Variants in ATN1 observed in about 807,000 individuals in gnomAD.
ATN1 encodes the protein atrophin 1.
A neutral mutation model predicts 85.8 loss-of-function variants in ATN1; 19 were observed. That is an observed-to-expected ratio of 0.22 (90% CI 0.15 to 0.32). The LOEUF (loss-of-function observed/expected upper bound fraction) is 0.32. ATN1 is among the 10% of genes least tolerant of loss of function. The probability of loss-of-function intolerance (pLI) is 1.00; values close to 1 mark genes in which losing one functional copy is unlikely to be tolerated. For synonymous variants in ATN1, 674 were observed against 657.0 expected (o/e 1.03, Z -0.39); for missense variants, 1,453 against 1,564.5 (o/e 0.93, Z 1.20).
upstream of ATN1, among the ~76,000 whole-genome samples, chr12:6,925,351 T>G (rs150539189): frequency 4.6e-5 from 7 of 152,096 alleles, no homozygotes; most frequent in Non-Finnish European, 1.0e-4. Flanking sequence ...TGGAAGGGAT[T>G]TGGAAAGGGC....
chr12:6,936,179 A>G lies in ATN1; in HGVS notation c.912A>G (p.Pro304=). The G allele has an allele frequency of 6.4e-7, 1 of 1,551,482 alleles. No individual in the cohort carries two copies. The highest frequency in any genetic ancestry group is 8.7e-7 in the Non-Finnish European group (1 of 1,148,990). The change falls in exon 5 of 10, where the codon CCA becomes CCG. Residue 304 remains proline, a synonymous_variant. Transcript: ENST00000396684. ...FPHVTPNLPP[P]PALRPLNNAS... is the part of the protein sequence containing the mutation. ...ATGTGACACCGAACCTGCCTCCCCCACCTGCCCTGAGACCCCTCAACAATG... is the reference window on the plus strand; with the variant it reads ...ATGTGACACCGAACCTGCCTCCCCCGCCTGCCCTGAGACCCCTCAACAATG...
chr12:6,935,981 A>T lies in ATN1; in HGVS notation c.714A>T (p.Gly238=). ...LSGPPMGPKG[G]GAASSVGGPN... The stretch of plus-strand genomic sequence containing the variant: ...GACCCCCAATGGGTCCCAAGGGGGG[A>T]GGGGCTGCCTCATCAGTGGGGGGCC... The change falls in exon 5 of 10, where the codon GGA becomes GGT. Residue 238 remains glycine, a synonymous_variant. Transcript: ENST00000396684. The surrounding 1 kb of genome is among the most constrained non-coding windows in gnomAD (Gnocchi z 5.3). The T allele has an allele frequency of 6.3e-7, 1 of 1,585,482 alleles. No individual in the cohort carries two copies. Among genetic ancestry groups the T allele is most frequent in the Non-Finnish European group, 8.6e-7 (1 of 1,165,510 alleles).
intron 6 of ATN1, 21 bp from the exon 7 acceptor site, chr12:6,938,460 A>T (rs945463408): frequency 6.3e-7 from 1 of 1,587,620 alleles, no homozygotes; most frequent in East Asian, 2.3e-5. Flanking sequence ...CTTTGACTCC[A>T]CTTTTCCCTG....
Position 6,942,189 on chromosome 12 carries a change from C to G in ATN1, c.*409C>G, listed in dbSNP as rs898952572. The G allele has an allele frequency of 5.1e-5, 11 of 217,448 alleles. No homozygotes were observed. The highest frequency in any genetic ancestry group is 8.4e-5 in the Non-Finnish European group (9 of 106,796). The allele number at this position is 217,448 out of a possible 1,614,324, so 13.5% of individuals were successfully genotyped here. On this transcript the variant is annotated 3_prime_UTR_variant, in exon 10 of 10. Transcript: ENST00000396684. ...CCTCCCCGATCCCTGTGTGCGCGCCCCCTCTGCAATGTATGCCCCTTGCCC... is the reference window on the plus strand; with the variant it reads ...CCTCCCCGATCCCTGTGTGCGCGCCGCCTCTGCAATGTATGCCCCTTGCCC...
chr12:6,938,378 G>T, intron 6 of ATN1, 103 bp from the exon 7 acceptor site: 1 of 1,433,784 alleles, frequency 7.0e-7, no homozygotes, highest in Non-Finnish European at 9.3e-7. Flanking sequence ...TCAATGAGTT[G>T]AGGCATTTTG....
At chr12:6,925,986 A>G (rs1945395339), upstream of ATN1, among the ~76,000 whole-genome samples, 1 of 152,130 alleles carries the variant, frequency 6.6e-6, no homozygotes, top group African/African-American at 2.4e-5. Flanking sequence ...TCTGCTGCCA[A>G]AAATCACCCT....
chr12:6,933,924 G>A lies in ATN1; in HGVS notation c.-78G>A. 6.5e-7 allele frequency: 1 copy of A among 1,540,984 alleles called. No homozygotes were observed. Among genetic ancestry groups the A allele is most frequent in the Non-Finnish European group, 8.8e-7 (1 of 1,133,926 alleles). On this transcript the variant is annotated 5_prime_UTR_variant, in exon 2 of 10. Coordinates refer to ENST00000396684, the MANE Select transcript of ATN1 (RefSeq NM_001940.4). ...CCTGCTTCCCAGACCACAGCTGTGGGGAACTTGGGGTGGAGCAGAGAAGTT... is the reference window on the plus strand; with the variant it reads ...CCTGCTTCCCAGACCACAGCTGTGGAGAACTTGGGGTGGAGCAGAGAAGTT...
chr12:6,925,117 C>CGTGTGCGTGTGT (rs1555142455), upstream of ATN1, among the ~76,000 whole-genome samples: 284 of 143,814 alleles, frequency 2.0e-3, 1 homozygote, highest in East Asian at 0.019. Flanking sequence ...TGTGCGTGTG[C>CGTGTGCGTGTGT]GTGTGTGTGT....
In ATN1 at chr12:6,936,889, C is replaced by T; in HGVS notation, c.1622C>T (p.Pro541Leu). Residue 541 changes from proline to leucine, a missense_variant, in exon 5 of 10, where the codon CCC becomes CTC. Transcript: ENST00000396684. Reference sequence around the variant, plus strand: ...TCTCCCTCCCTGGGGTCTCTGAGGCCCTACCCACCAGGGCCAGCACACCTG... The same window carrying T: ...TCTCCCTCCCTGGGGTCTCTGAGGCTCTACCCACCAGGGCCAGCACACCTG... ...AMSPSLGSLR[P>L]YPPGPAHLPP... 1.2e-6 allele frequency: 2 copies of T among 1,614,030 alleles called. No homozygotes were observed. Among genetic ancestry groups the T allele is most frequent in the East Asian group, 2.2e-5 (1 of 44,862 alleles).
rs1374968463 is a variant in ATN1, at chr12:6,942,257, C to T, written c.*477C>T. On this transcript the variant is annotated 3_prime_UTR_variant, in exon 10 of 10. Coordinates refer to ENST00000396684, the MANE Select transcript of ATN1 (RefSeq NM_001940.4). ...TTTATATATATAAATATCTATATGA[C>T]GCTCTTAAAAAAACATCCCAACCAA... is the stretch of plus-strand genomic sequence containing the variant. The T allele has an allele frequency of 2.6e-5, 4 of 154,470 alleles. No individual in the cohort carries two copies. Among genetic ancestry groups the T allele is most frequent in the African/African-American group, 4.8e-5 (2 of 41,388 alleles). The allele number at this position is 154,470 out of a possible 1,614,324, so 9.6% of individuals were successfully genotyped here.
upstream of ATN1, among the ~76,000 whole-genome samples, chr12:6,927,552 C>T (rs1316045024): frequency 6.7e-6 from 1 of 149,322 alleles, no homozygotes; most frequent in Non-Finnish European, 1.5e-5. Flanking sequence ...GCCGGGCCCG[C>T]GGGCTCCCCA....
intron 1 of ATN1, among the ~76,000 whole-genome samples, chr12:6,931,374 T>A (rs1356382597): frequency 1.2e-5 from 1 of 85,456 alleles, no homozygotes; most frequent in Non-Finnish European, 2.3e-5. Context: ...CCAGTCTACA[T>A]AACAACTAAA....
chr12:6,940,873 C>T lies in ATN1; in HGVS notation c.3215-7C>T, dbSNP rs1555144533. 5 of 1,614,148 alleles carry T rather than the reference C, an allele frequency of 3.1e-6. No individual in the cohort carries two copies. The highest frequency in any genetic ancestry group is 1.7e-5 in the Admixed American group (1 of 60,018). The stretch of plus-strand genomic sequence containing the variant: ...CTGGTGACACCTTCCTCTTCTCTGC[C>T]CTCCAGCCTCTGCCTCGGTGCACCC... On this transcript the variant is annotated splice_region_variant and splice_polypyrimidine_tract_variant and intron_variant, in intron 7 of 9. Coordinates refer to ENST00000396684, the MANE Select transcript of ATN1 (RefSeq NM_001940.4).
Position 6,928,058 on chromosome 12 carries a change from C to G in ATN1, c.-489C>G, listed in dbSNP as rs1262056217. On this transcript the variant is annotated 5_prime_UTR_variant, in exon 1 of 10. Coordinates refer to ENST00000396684, the MANE Select transcript of ATN1 (RefSeq NM_001940.4). The stretch of plus-strand genomic sequence containing the variant: ...GAACCGCGCCGAGGGCCGGGCGGGC[C>G]GCGGGGCCGGGCGGCGCGGCGGGGG... Among the ~76,000 whole-genome samples, 1 of 138,594 alleles carries G rather than the reference C, an allele frequency of 7.2e-6. No individual in the cohort carries two copies. Among genetic ancestry groups the G allele is most frequent in the Non-Finnish European group, 1.6e-5 (1 of 63,494 alleles). The allele number at this position is 138,594 out of a possible 152,430, so 90.9% of individuals were successfully genotyped here. A position where few individuals can be genotyped will look rare whatever the true frequency, so the allele number is the denominator to read the frequency against.
chr12:6,931,473 G>A (rs1285165740), intron 1 of ATN1, among the ~76,000 whole-genome samples: 1 of 149,140 alleles, frequency 6.7e-6, no homozygotes, highest in Non-Finnish European at 1.5e-5. Context: ...CAACACTTTA[G>A]GAGGCTGAGG....
chr12:6,925,117 C>CGTGTGCGT (rs1555142455), upstream of ATN1, among the ~76,000 whole-genome samples: 4 of 143,718 alleles, frequency 2.8e-5, no homozygotes, highest in Admixed American at 6.8e-5. Context: ...TGTGCGTGTG[C>CGTGTGCGT]GTGTGTGTGT....
Position 6,934,871 on chromosome 12 carries a change from G to T in ATN1, c.279+293G>T, listed in dbSNP as rs1408209555. ...AAATCTTAAGGAAAATGCAGAAGTGGTCTTTCTTTTTTATTGTTTTTTTTT... is the reference window on the plus strand; with the variant it reads ...AAATCTTAAGGAAAATGCAGAAGTGTTCTTTCTTTTTTATTGTTTTTTTTT... On this transcript the variant is annotated intron_variant, in intron 4 of 9. Transcript: ENST00000396684. The surrounding 1 kb of genome is among the most constrained non-coding windows in gnomAD (Gnocchi z 4.5). Among the ~76,000 whole-genome samples, 1 of 151,992 alleles carries T rather than the reference G, an allele frequency of 6.6e-6. No homozygotes were observed. The highest frequency in any genetic ancestry group is 1.5e-5 in the Non-Finnish European group (1 of 67,948).
At chr12:6,938,300 C>T (rs1555144188) in intron 6 of ATN1, among the ~76,000 whole-genome samples, 181 bp from the exon 7 acceptor site, 1 of 152,240 alleles carries the variant, frequency 6.6e-6, no homozygotes, top group Admixed American at 6.5e-5. Context: ...ATGGGACTAC[C>T]TGTGGATCCC....
chr12:6,937,007 A>G lies in ATN1; in HGVS notation c.1740A>G (p.Gln580=). Residue 580 remains glutamine (Q), a synonymous_variant, in exon 5 of 10, where the codon CAA becomes CAG. Transcript: ENST00000396684. The surrounding 1 kb of genome is among the most constrained non-coding windows in gnomAD (Gnocchi z 6.0). ...CCAACTCTTCCTCTTCCACTTCTCAAGGGTCCTACCCATGTTCACACCCCT... is the reference window on the plus strand; with the variant it reads ...CCAACTCTTCCTCTTCCACTTCTCAGGGGTCCTACCCATGTTCACACCCCT... ...SSSNSSSSTS[Q]GSYPCSHPSP... 6.2e-7 allele frequency: 1 copy of G among 1,613,512 alleles called. No homozygotes were observed. Among genetic ancestry groups the G allele is most frequent in the Non-Finnish European group, 8.5e-7 (1 of 1,179,678 alleles).
Sources: allele counts gnomAD v4.1 joint callset (sites outside exome capture counted in the v4.1 genomes callset), GRCh38; gene constraint gnomAD v4.1.1; non-coding constraint Gnocchi (gnomAD v3.1); transcripts MANE v1.5; gene names NCBI Gene and HGNC (gene_info 2026-07-23, HGNC 2026-07-21).